The following GLYATL2 variants were observed in gnomAD, a reference collection of about 807,000 sequenced individuals.
GLYATL2 encodes the protein glycine-N-acyltransferase like 2.
A neutral mutation model predicts 21.4 loss-of-function variants in GLYATL2; 25 were observed. The observed-to-expected ratio is 1.17, with a 90% CI of 0.85 to 1.63. The LOEUF is 1.63. GLYATL2 is among the 40% of genes most tolerant of loss of function. The pLI is 0.00. For synonymous variants in GLYATL2, 114 were observed against 118.2 expected (o/e 0.96, Z 0.23); for missense variants, 361 against 343.3 (o/e 1.05, Z -0.41).
At chr11:58,871,715 G>C (rs1854124532) in intron 1 of GLYATL2, among the ~76,000 whole-genome samples, 1 of 151,936 alleles carries the variant, frequency 6.6e-6, no homozygotes, top group Non-Finnish European at 1.5e-5. Context: ...CCAAGTCTTT[G>C]CTATTGTGAA....
At position 58,865,547 on chromosome 11, in the gene GLYATL2, C is replaced by T. The variant is rs559430939; in HGVS notation, n.61-27179G>A. Among the ~76,000 whole-genome samples the T allele has an allele frequency of 4.6e-4, 69 of 149,242 alleles. 6 individuals are homozygous for T. The South Asian group carries it at 0.013, about 28-fold the overall frequency. ...CAGCATTTTCCAAAACAAAGAACAA[C>T]GGCTTGGGATTCAGAACGTCTGGGT... On this transcript the variant is annotated intron_variant and non_coding_transcript_variant, in intron 1 of 4. Coordinates refer to the GLYATL2 transcript ENST00000533636.
intron 1 of GLYATL2, among the ~76,000 whole-genome samples, chr11:58,879,576 C>T (rs1394747469): frequency 6.6e-6 from 1 of 151,966 alleles, no homozygotes; most frequent in Non-Finnish European, 1.5e-5. Flanking sequence ...TAACCCAGAC[C>T]CAAAAGTATA....
chr11:58,845,790 G>A (rs1311182791), upstream of GLYATL2, among the ~76,000 whole-genome samples: 4 of 152,052 alleles, frequency 2.6e-5, no homozygotes, highest in Admixed American at 6.6e-5. Flanking sequence ...GCCAAATATC[G>A]AATTATTTTA....
At chr11:58,903,596 C>T (rs1854777461) in intron 1 of GLYATL2, among the ~76,000 whole-genome samples, 1 of 152,068 alleles carries the variant, frequency 6.6e-6, no homozygotes, top group Admixed American at 6.5e-5. Flanking sequence ...TCACCTAAAC[C>T]CAGGAGGTTG....
upstream of GLYATL2, chr11:58,905,724 G>A: frequency 5.2e-6 from 1 of 191,698 alleles, no homozygotes; most frequent in South Asian, 4.6e-5. Context: ...ACCGGGATGG[G>A]TCATCTGGAC....
upstream of GLYATL2, among the ~76,000 whole-genome samples, chr11:58,904,566 T>A (rs775215950): frequency 2.6e-5 from 4 of 152,232 alleles, no homozygotes; most frequent in Admixed American, 1.3e-4. Flanking sequence ...GTGCAATGAT[T>A]TACTCTCCGA....
chr11:58,893,830 G>T (rs545871282), intron 1 of GLYATL2, among the ~76,000 whole-genome samples: 16 of 152,176 alleles, frequency 1.1e-4, no homozygotes, highest in Admixed American at 7.8e-4. Context: ...TAATAAAATT[G>T]TCAATAAAGT....
Position 58,899,551 on chromosome 11 carries a change from A to G in GLYATL2, n.60+4605T>C, listed in dbSNP as rs377529011. ...GAAAAGAGGCCTCAGATACGAGCAGACAAAAAGGAGAGGAAACAGGAAGGG... is the reference window on the plus strand; with the variant it reads ...GAAAAGAGGCCTCAGATACGAGCAGGCAAAAAGGAGAGGAAACAGGAAGGG... On this transcript the variant is annotated intron_variant and non_coding_transcript_variant, in intron 1 of 4. Transcript: ENST00000533636. Among the ~76,000 whole-genome samples, 21 of 152,302 alleles carry G rather than the reference A, an allele frequency of 1.4e-4. No homozygotes were observed. In the East Asian group the frequency reaches 1.9e-3, roughly 14 times the overall value.
At position 58,901,545 on chromosome 11, in the gene GLYATL2, C is replaced by A. The variant is rs544350233; in HGVS notation, n.60+2611G>T. Among the ~76,000 whole-genome samples, 7 of 152,244 alleles carry A rather than the reference C, an allele frequency of 4.6e-5. No individual in the cohort carries two copies. The East Asian group carries it at 1.4e-3, about 29-fold the overall frequency. ...TAAAGAGAATCACAAACTGGCAGAT[C>A]TCTTTAATTTATACTTAGGGAATGG... is the stretch of plus-strand genomic sequence containing the variant. On this transcript the variant is annotated intron_variant and non_coding_transcript_variant, in intron 1 of 4. Transcript: ENST00000533636.
At chr11:58,872,384 C>G (rs1253565632) in intron 1 of GLYATL2, among the ~76,000 whole-genome samples, 2 of 152,106 alleles carry the variant, frequency 1.3e-5, no homozygotes, top group Non-Finnish European at 2.9e-5. Context: ...AATGGTATTC[C>G]CTAGGTTTTC....
chr11:58,850,167 A>G (rs1271137053), intron 1 of GLYATL2, among the ~76,000 whole-genome samples: 1 of 152,148 alleles, frequency 6.6e-6, no homozygotes, highest in Non-Finnish European at 1.5e-5. Context: ...TGTTCCAGCT[A>G]TTGGAAAAAA....
At chr11:58,842,764 T>A (rs1480399350) in intron 1 of GLYATL2, among the ~76,000 whole-genome samples, 1 of 152,136 alleles carries the variant, frequency 6.6e-6, no homozygotes, top group East Asian at 1.9e-4. Flanking sequence ...CCACCATATT[T>A]GTGATTGAAT....
At chr11:58,872,700 G>C (rs534111454) in intron 1 of GLYATL2, among the ~76,000 whole-genome samples, 1 of 152,344 alleles carries the variant, frequency 6.6e-6, no homozygotes, top group South Asian at 2.1e-4. Flanking sequence ...TTGTAGTATA[G>C]TTTGAAGTCA....
At chr11:58,907,909 A>G (rs1294725148), upstream of GLYATL2, 2 of 153,388 alleles carry the variant, frequency 1.3e-5, no homozygotes, top group Non-Finnish European at 2.9e-5. Flanking sequence ...TACTTCATGA[A>G]TTATGAAGTT....
At chr11:58,903,107 G>T (rs1476660289) in intron 1 of GLYATL2, among the ~76,000 whole-genome samples, 1 of 152,158 alleles carries the variant, frequency 6.6e-6, no homozygotes, top group Non-Finnish European at 1.5e-5. Context: ...CAATTGTGTG[G>T]TTCAGCTGTT....
At chr11:58,868,305 A>C (rs532335742) in intron 1 of GLYATL2, among the ~76,000 whole-genome samples, 2 of 149,020 alleles carry the variant, frequency 1.3e-5, no homozygotes, top group African/African-American at 4.8e-5. Context: ...TAAAGGAGCC[A>C]TAGGTACCTC....
upstream of GLYATL2, among the ~76,000 whole-genome samples, chr11:58,846,731 T>G (rs1439645645): frequency 1.3e-5 from 2 of 152,100 alleles, no homozygotes; most frequent in Non-Finnish European, 1.5e-5. Context: ...GTTCTCTGTG[T>G]TTCCAAGTAA....
intron 1 of GLYATL2, among the ~76,000 whole-genome samples, chr11:58,888,616 AT>A (rs1854484011): frequency 6.6e-6 from 1 of 151,760 alleles, no homozygotes; most frequent in African/African-American, 2.4e-5. Flanking sequence ...ATGTTTATAT[AT>A]TTTTGTATCT....
At position 58,839,716 on chromosome 11, in the gene GLYATL2, G is replaced by T; in HGVS notation, c.-40-64C>A. 3 of 726,322 alleles carry T rather than the reference G, an allele frequency of 4.1e-6. No individual in the cohort carries two copies. In the South Asian group the frequency reaches 5.7e-5, roughly 14 times the overall value. 45.0% of individuals were successfully genotyped at this position (726,322 alleles called of 1,614,324 possible). ...ATATGATAGGTGTCCAGAAAGAAGA[G>T]GAAGGAGAAGTCACCAGGGACATCA... On this transcript the variant is annotated intron_variant, in intron 1 of 5. Coordinates refer to ENST00000287275, the MANE Select transcript of GLYATL2 (RefSeq NM_145016.4).
Sources: allele counts gnomAD v4.1 joint callset (sites outside exome capture counted in the v4.1 genomes callset), GRCh38; gene constraint gnomAD v4.1.1; transcripts MANE v1.5; gene names NCBI Gene and HGNC (gene_info 2026-07-23, HGNC 2026-07-21).